APLF: variants seen among roughly 807,000 people sequenced by gnomAD.
The protein encoded by APLF is aprataxin and PNKP like factor.
APLF carries 61 observed loss-of-function variants against 55.6 expected under a neutral mutation model. That is an observed-to-expected ratio of 1.10 (90% CI 0.89 to 1.36). The LOEUF is 1.36. APLF is among the 40% of genes most tolerant of loss of function. The probability of loss-of-function intolerance (pLI) is 0.00; values close to 1 mark genes in which losing one functional copy is unlikely to be tolerated. For synonymous variants in APLF, 207 were observed against 214.8 expected, an observed-to-expected ratio of 0.96 and a Z score of 0.32; for missense variants, 611 against 602.5, an observed-to-expected ratio of 1.01 and a Z score of -0.15.
In APLF at chr2:68,499,866, C is replaced by T. The variant is rs545033775; in HGVS notation, c.169-2865C>T. Among the ~76,000 whole-genome samples, 92 of 152,020 alleles carry T rather than the reference C, an allele frequency of 6.1e-4. 1 individual carries two copies. In the South Asian group the frequency reaches 0.018, roughly 31 times the overall value. ...AAAAGAAAAAATAAATAAATACTTT[C>T]AAACAGGCTGCACATACATACACGT... On this transcript the variant is annotated intron_variant, in intron 2 of 9. Coordinates refer to ENST00000303795, the MANE Select transcript of APLF (RefSeq NM_173545.3).
At chr2:68,547,508 T>G (rs968931901) in intron 8 of APLF, among the ~76,000 whole-genome samples, 8 of 151,806 alleles carry the variant, frequency 5.3e-5, no homozygotes, top group Non-Finnish European at 1.2e-4. Context: ...AAAGATAAAG[T>G]AACATGACCA....
At chr2:68,476,078 C>T (rs940243496) in intron 1 of APLF, among the ~76,000 whole-genome samples, 2 of 149,934 alleles carry the variant, frequency 1.3e-5, no homozygotes, top group African/African-American at 4.9e-5. Flanking sequence ...CTATTTTTGT[C>T]TGTTGTTGAT....
At position 68,527,113 on chromosome 2, in the gene APLF, C is replaced by T. The variant is rs370723748; in HGVS notation, c.804+871C>T. ...AGACGGTGCAGGGGCTGGGCAGAGG[C>T]GCTCCTCCCTTACAAACAGTGAGGG... On this transcript the variant is annotated intron_variant, in intron 6 of 9. Transcript: ENST00000303795. Among the ~76,000 whole-genome samples, 53 of 151,396 alleles carry T rather than the reference C, an allele frequency of 3.5e-4. 1 individual carries two copies. The highest frequency in any genetic ancestry group is 1.2e-3 in the African/African-American group (48 of 41,228).
intron 3 of APLF, among the ~76,000 whole-genome samples, chr2:68,507,153 A>G (rs1336382517): frequency 6.6e-6 from 1 of 151,938 alleles, no homozygotes; most frequent in Non-Finnish European, 1.5e-5. Context: ...ATTTATATTC[A>G]TAGATATGTA....
intron 1 of APLF, among the ~76,000 whole-genome samples, chr2:68,470,361 G>A (rs1675579362): frequency 6.6e-6 from 1 of 152,208 alleles, no homozygotes; most frequent in African/African-American, 2.4e-5. Flanking sequence ...ATAGCAACAT[G>A]AGGGATATTT....
chr2:68,560,869 C>G (rs975887372), intron 8 of APLF, among the ~76,000 whole-genome samples: 4 of 152,080 alleles, frequency 2.6e-5, no homozygotes, highest in Non-Finnish European at 5.9e-5. Flanking sequence ...CGTATTCCCC[C>G]AAAGAGTTGT....
intron 8 of APLF, among the ~76,000 whole-genome samples, chr2:68,560,648 A>G (rs1671143679): frequency 1.3e-5 from 2 of 152,148 alleles, no homozygotes; most frequent in African/African-American, 2.4e-5. Flanking sequence ...TTATGGTTAT[A>G]TAGCTTTATG....
intron 8 of APLF, among the ~76,000 whole-genome samples, chr2:68,551,636 T>A (rs2104029973): frequency 6.6e-6 from 1 of 151,052 alleles, no homozygotes; most frequent in Non-Finnish European, 1.5e-5. Flanking sequence ...ATTCTAATTT[T>A]GGTGGAACTA....
At chr2:68,502,327 A>G (rs561801131) in intron 2 of APLF, among the ~76,000 whole-genome samples, 1 of 152,144 alleles carries the variant, frequency 6.6e-6, no homozygotes, top group African/African-American at 2.4e-5. Flanking sequence ...GAAACTAGCC[A>G]TTGTCAGGAA....
chr2:68,562,928 T>G (rs1334338893), intron 8 of APLF, among the ~76,000 whole-genome samples: 1 of 152,070 alleles, frequency 6.6e-6, no homozygotes, highest in African/African-American at 2.4e-5. Flanking sequence ...CTTTTCTGTT[T>G]GGGCTCATTT....
At chr2:68,554,874 A>T (rs1670961387) in intron 8 of APLF, among the ~76,000 whole-genome samples, 1 of 152,082 alleles carries the variant, frequency 6.6e-6, no homozygotes, top group Non-Finnish European at 1.5e-5. Flanking sequence ...AAAAGAGCAA[A>T]TCTGGAGGCA....
chr2:68,514,275 G>A (rs1669508163), intron 5 of APLF, among the ~76,000 whole-genome samples: 2 of 151,706 alleles, frequency 1.3e-5, no homozygotes, highest in African/African-American at 2.4e-5. Flanking sequence ...GTACAACTTT[G>A]CCATTTCAGA....
intron 1 of APLF, among the ~76,000 whole-genome samples, chr2:68,489,755 C>A (rs1271270919): frequency 6.6e-6 from 1 of 152,178 alleles, no homozygotes; most frequent in African/African-American, 2.4e-5. Flanking sequence ...TTACACTTAC[C>A]AGATCCTCGA....
chr2:68,474,000 A>G (rs1171975959), intron 1 of APLF, among the ~76,000 whole-genome samples: 1 of 152,190 alleles, frequency 6.6e-6, no homozygotes, highest in African/African-American at 2.4e-5. Flanking sequence ...GTGCTTCTGA[A>G]CCACTGGATG....
At chr2:68,481,993 T>A (rs2103890481) in intron 1 of APLF, among the ~76,000 whole-genome samples, 1 of 152,182 alleles carries the variant, frequency 6.6e-6, no homozygotes, top group African/African-American at 2.4e-5. Context: ...GATAATGAAT[T>A]ATTTTTCTGA....
At chr2:68,552,358 C>T (rs1358950469) in intron 8 of APLF, among the ~76,000 whole-genome samples, 1 of 152,072 alleles carries the variant, frequency 6.6e-6, no homozygotes, top group Non-Finnish European at 1.5e-5. Context: ...TCTATGAGAG[C>T]TCTTTCTTTG....
chr2:68,492,631 A>T (rs188208203), intron 2 of APLF, among the ~76,000 whole-genome samples: 1 of 152,208 alleles, frequency 6.6e-6, no homozygotes, highest in African/African-American at 2.4e-5. Flanking sequence ...GTTCAGTTAT[A>T]AAAAGGCTCC....
chr2:68,513,367 A>C, intron 4 of APLF, 140 bp downstream of exon 4: 1 of 1,247,386 alleles, frequency 8.0e-7, no homozygotes, highest in Non-Finnish European at 1.1e-6. Flanking sequence ...TAAGCTCTAG[A>C]GAATATGGCA....
chr2:68,522,027 T>G (rs1429556198), intron 5 of APLF, among the ~76,000 whole-genome samples: 1 of 151,916 alleles, frequency 6.6e-6, no homozygotes, highest in Non-Finnish European at 1.5e-5. Context: ...TCATGTTATC[T>G]ATAGAATTAG....
Sources: allele counts gnomAD v4.1 joint callset (sites outside exome capture counted in the v4.1 genomes callset), GRCh38; gene constraint gnomAD v4.1.1; transcripts MANE v1.5; gene names NCBI Gene and HGNC (gene_info 2026-07-23, HGNC 2026-07-21).